PCDHA5: variants seen among roughly 807,000 people sequenced by gnomAD.
The protein encoded by PCDHA5 is protocadherin alpha 5.
In PCDHA5, 43 loss-of-function variants were observed where a neutral mutation model predicts 61.6. That is an observed-to-expected ratio of 0.70 (90% confidence interval 0.55 to 0.90). The LOEUF is 0.90. PCDHA5 is among the 40% of genes least tolerant of loss of function. The pLI is 0.00. For missense variants in PCDHA5, 1,298 were observed against 1,222.7 expected (o/e 1.06, Z -0.92); for synonymous variants, 627 against 543.9 (o/e 1.15, Z -2.13).
At chr5:140,830,010 C>G in intron 1 of PCDHA5, 6 of 1,613,914 alleles carry the variant, frequency 3.7e-6, no homozygotes, top group Non-Finnish European at 5.1e-6. Context: ...CTGGACGAAG[C>G]GGACTCTCCG....
At chr5:140,828,345 T>C in intron 1 of PCDHA5, 2 of 1,614,224 alleles carry the variant, frequency 1.2e-6, no homozygotes, top group Non-Finnish European at 1.7e-6. Context: ...GGCATTTTGT[T>C]TGTGAATTCT....
chr5:140,857,745 C>T lies in PCDHA5; in HGVS notation c.2352+33618C>T. On this transcript the variant is annotated intron_variant, in intron 1 of 3. Coordinates refer to ENST00000529859, the MANE Select transcript of PCDHA5 (RefSeq NM_018908.3). Reference sequence around the variant, plus strand: ...AACGACAACGCTCCCGCGCTGCTGGCGTCTCCCGCTGGCAGCGCGGGCGGT... The same window carrying T: ...AACGACAACGCTCCCGCGCTGCTGGTGTCTCCCGCTGGCAGCGCGGGCGGT... 5.0e-6 allele frequency: 8 copies of T among 1,597,310 alleles called. 1 individual carries two copies. Among genetic ancestry groups the T allele is most frequent in the South Asian group, 1.1e-5 (1 of 90,480 alleles).
chr5:140,948,107 C>T (rs1156492592), intron 1 of PCDHA5, among the ~76,000 whole-genome samples: 3 of 151,432 alleles, frequency 2.0e-5, no homozygotes, highest in Middle Eastern at 3.2e-3. Flanking sequence ...GATTTTTCTT[C>T]GTTTTACTAA....
At chr5:140,850,321 A>G (rs2150479492) in intron 1 of PCDHA5, 1 of 1,597,400 alleles carries the variant, frequency 6.3e-7, no homozygotes, top group Admixed American at 1.7e-5. Context: ...TGGCTTTCAT[A>G]CGAGCTGCAG....
At chr5:140,946,241 T>A (rs797039382) in intron 1 of PCDHA5, among the ~76,000 whole-genome samples, 5 of 152,044 alleles carry the variant, frequency 3.3e-5, no homozygotes, top group African/African-American at 1.2e-4. Context: ...ATGCTCAACA[T>A]CATGAATCAT....
intron 1 of PCDHA5, chr5:140,929,684 A>C: frequency 3.4e-6 from 1 of 294,182 alleles, no homozygotes; most frequent in Non-Finnish European, 6.5e-6. Flanking sequence ...AATATGTAAG[A>C]GTCTGCTTTA....
chr5:140,926,651 C>T, intron 1 of PCDHA5: 1 of 496,446 alleles, frequency 2.0e-6, no homozygotes, highest in Non-Finnish European at 3.3e-6. Context: ...CCGGCCGGCT[C>T]CGCTTTCCCA....
In PCDHA5 at chr5:140,843,826, A is replaced by G. The variant is rs2150366949; in HGVS notation, c.2352+19699A>G. ...CGTATTTTATAGTGAAAATTTAAAC[A>G]TTGTTTAGTTTTTAGAAACCTTTTA... On this transcript the variant is annotated intron_variant, in intron 1 of 3. Coordinates refer to ENST00000529859, the MANE Select transcript of PCDHA5 (RefSeq NM_018908.3). 117 of 1,185,698 alleles carry G rather than the reference A, an allele frequency of 9.9e-5. 4 individuals carry two copies. The African/African-American group carries it at 1.7e-3, about 17-fold the overall frequency. 73.4% of individuals were successfully genotyped at this position (1,185,698 alleles called of 1,614,324 possible). A position where few individuals can be genotyped will look rare whatever the true frequency, so the allele number is the denominator to read the frequency against.
intron 1 of PCDHA5, among the ~76,000 whole-genome samples, chr5:140,902,974 AGGTT>A (rs2069912537): frequency 6.6e-6 from 1 of 152,178 alleles, no homozygotes. Context: ...ATGGGCATTT[AGGTT>A]GGTTCCATAT....
chr5:140,850,049 C>G (rs2150465227), intron 1 of PCDHA5: 5 of 1,596,466 alleles, frequency 3.1e-6, no homozygotes, highest in Non-Finnish European at 3.4e-6. Flanking sequence ...GCAAGGTGTA[C>G]GCGCTGCAGC....
At chr5:140,986,954 C>T (rs2097219916) in intron 3 of PCDHA5, among the ~76,000 whole-genome samples, 1 of 152,154 alleles carries the variant, frequency 6.6e-6, no homozygotes, top group African/African-American at 2.4e-5. Context: ...TCGCTCATGC[C>T]TGTAATTCCA....
chr5:140,869,043 A>G, intron 1 of PCDHA5: 2 of 1,530,132 alleles, frequency 1.3e-6, no homozygotes, highest in Non-Finnish European at 1.8e-6. Flanking sequence ...TTAACCTGAA[A>G]CTGAAGAATC....
chr5:140,822,080 G>A lies in PCDHA5; in HGVS notation c.305G>A (p.Ser102Asn). The A allele has an allele frequency of 6.2e-7, 1 of 1,614,258 alleles. No individual in the cohort carries two copies. Among genetic ancestry groups the A allele is most frequent in the Non-Finnish European group, 8.5e-7 (1 of 1,180,048 alleles). Residue 102 changes from serine to asparagine, a missense_variant, in exon 1 of 4, where the codon AGC becomes AAC. Physicochemically the swap from Ser to Asn is conservative, Grantham distance 46. Coordinates refer to ENST00000529859, the MANE Select transcript of PCDHA5 (RefSeq NM_018908.3). Reference sequence around the variant, plus strand: ...CTGTGCCGGCGGAGGGCGGAGTGCAGCATCCACCTGGAGGTGATCGTGGAC... The same window carrying A: ...CTGTGCCGGCGGAGGGCGGAGTGCAACATCCACCTGGAGGTGATCGTGGAC... ...EELCRRRAEC[S>N]IHLEVIVDRP...
At chr5:140,880,083 A>G (rs1453702460) in intron 1 of PCDHA5, among the ~76,000 whole-genome samples, 2 of 152,242 alleles carry the variant, frequency 1.3e-5, no homozygotes, top group African/African-American at 4.8e-5. Context: ...TCAACCTATT[A>G]TAGTAGGCTT....
intron 1 of PCDHA5, among the ~76,000 whole-genome samples, chr5:140,920,909 C>A (rs2079923809): frequency 6.6e-6 from 1 of 151,058 alleles, no homozygotes; most frequent in Admixed American, 6.6e-5. Context: ...GTTCTCAAAT[C>A]AGTTCCAAGA....
intron 3 of PCDHA5, among the ~76,000 whole-genome samples, chr5:140,999,060 G>A (rs1199782818): frequency 1.3e-5 from 2 of 152,210 alleles, no homozygotes; most frequent in East Asian, 1.9e-4. Context: ...CCATGCCTAA[G>A]TAGTCTCCTT....
Position 141,010,440 on chromosome 5 carries a change from A to G in PCDHA5, c.*503A>G, listed in dbSNP as rs1279403327. 3 of 984,540 alleles carry G rather than the reference A, an allele frequency of 3.0e-6. No individual in the cohort carries two copies. Among genetic ancestry groups the G allele is most frequent in the Admixed American group, 5.9e-5 (2 of 34,150 alleles). The allele number at this position is 984,540 out of a possible 1,614,324, so 61.0% of individuals were successfully genotyped here. On this transcript the variant is annotated 3_prime_UTR_variant, in exon 4 of 4. Transcript: ENST00000529859. The stretch of plus-strand genomic sequence containing the variant: ...CAAGGAAGGCAAGAAAACAAAGACA[A>G]ATAAACAGCGGAAGTTATCAGTATG...
chr5:140,843,736 A>T (rs1779068159), intron 1 of PCDHA5: 1 of 1,547,354 alleles, frequency 6.5e-7, no homozygotes, highest in African/African-American at 1.4e-5. Context: ...TTAAATTTAG[A>T]ACTCATAAAT....
chr5:140,823,123 A>T lies in PCDHA5; in HGVS notation c.1348A>T (p.Asn450Tyr). Residue 450 changes from asparagine (N) to tyrosine (Y), a missense_variant, in exon 1 of 4, where the codon AAC becomes TAC. Transcript: ENST00000529859. ...TGTGGAAGTGGCCGACGTGAACGAC[A>T]ACGCTCCGGCGTTCGCGCAGCCCCA... ...VSVEVADVND[N>Y]APAFAQPQYT... is the part of the protein sequence containing the mutation. 6.2e-7 allele frequency: 1 copy of T among 1,614,012 alleles called. No homozygotes were observed. The highest frequency in any genetic ancestry group is 8.5e-7 in the Non-Finnish European group (1 of 1,179,964).
Sources: gnomAD v4.1 joint callset for allele counts (sites outside exome capture counted in the v4.1 genomes callset) on GRCh38, gnomAD v4.1.1 for gene constraint, MANE v1.5 for transcripts, NCBI Gene and HGNC (gene_info 2026-07-23, HGNC 2026-07-21) for gene names.